NUAK1: variants seen among roughly 807,000 people sequenced by gnomAD.
NUAK1 encodes NUAK family kinase 1.
In NUAK1, 26 loss-of-function variants were observed where a neutral mutation model predicts 56.9. The ratio of observed to expected loss-of-function variants is 0.46; its 90% CI spans 0.33 to 0.63. The LOEUF (loss-of-function observed/expected upper bound fraction) is 0.63. Among genes scored for constraint, NUAK1 ranks in the 30% least tolerant of loss-of-function variants. The pLI is 0.02. For synonymous variants in NUAK1, 337 were observed against 336.0 expected (o/e 1.00, Z -0.03); for missense variants, 727 against 876.1 (o/e 0.83, Z 2.15).
At chr12:106,090,734 C>T (rs1366041) in intron 2 of NUAK1, among the ~76,000 whole-genome samples, 144,166 of 152,200 alleles carry the variant, frequency 0.95, 68,394 homozygotes, top group East Asian at 1. Flanking sequence ...GCACGGTGCC[C>T]CGGCCAGTGC....
At chr12:106,129,473 G>A (rs2033056180) in intron 1 of NUAK1, among the ~76,000 whole-genome samples, 1 of 152,308 alleles carries the variant, frequency 6.6e-6, no homozygotes, top group East Asian at 1.9e-4. Flanking sequence ...AGGAAGAATG[G>A]AGCCTACAAA....
chr12:106,118,551 G>A lies in NUAK1; in HGVS notation c.241-12026C>T, dbSNP rs368556382. 1.1e-4 allele frequency among the ~76,000 whole-genome samples: 16 copies of A among 152,304 alleles called. No individual in the cohort carries two copies. In the East Asian group the frequency reaches 2.1e-3, roughly 20 times the overall value. On this transcript the variant is annotated intron_variant, in intron 1 of 6. Coordinates refer to ENST00000261402, the MANE Select transcript of NUAK1 (RefSeq NM_014840.3). ...GCTAATCAGAACAATTTGAATGTGCGGCTAAGCAAGGACACTCCTTCCTGG... is the reference window on the plus strand; with the variant it reads ...GCTAATCAGAACAATTTGAATGTGCAGCTAAGCAAGGACACTCCTTCCTGG...
chr12:106,084,098 C>A, intron 3 of NUAK1, 169 bp from the exon 4 acceptor site: 1 of 608,548 alleles, frequency 1.6e-6, no homozygotes, highest in East Asian at 2.8e-5. Flanking sequence ...TGTCTTGACG[C>A]TCCCCCGCCA....
intron 1 of NUAK1, among the ~76,000 whole-genome samples, chr12:106,121,766 G>A (rs56103745): frequency 0.045 from 6,813 of 151,996 alleles, 237 homozygotes; most frequent in Admixed American, 0.069. Flanking sequence ...AAAAAAGGTG[G>A]GGGGGTGTGG....
chr12:106,121,753 A>G (rs7133928), intron 1 of NUAK1, among the ~76,000 whole-genome samples: 15,786 of 150,822 alleles, frequency 0.1, 2,784 homozygotes, highest in African/African-American at 0.37. Flanking sequence ...CTGTCTCGGG[A>G]AAAAAAAAGG....
chr12:106,067,029 C>G lies in NUAK1; in HGVS notation c.1759G>C (p.Asp587His), dbSNP rs2032348002. The change falls in exon 7 of 7, where the codon GAT becomes CAT. Residue 587 changes from aspartate (D) to histidine (H), a missense_variant. Coordinates refer to ENST00000261402, the MANE Select transcript of NUAK1 (RefSeq NM_014840.3). This position sits in a 1 kb window ranked among gnomAD's most constrained non-coding sequence, Gnocchi z 6.0. ...CGGGCAGGGCGATTCTCCTGCAAAT[C>G]CAGCAAGTCAAAAGAGTCGCTGGAC... Reference protein sequence around the residue: ...VLSSDSFDLLDLQENRPARQR... With the variant: ...VLSSDSFDLLHLQENRPARQR... 1.2e-6 allele frequency: 2 copies of G among 1,614,214 alleles called. No individual in the cohort carries two copies. The highest frequency in any genetic ancestry group is 1.6e-4 in the Middle Eastern group (1 of 6,062).
At chr12:106,123,005 C>G (rs2032993136) in intron 1 of NUAK1, among the ~76,000 whole-genome samples, 1 of 152,194 alleles carries the variant, frequency 6.6e-6, no homozygotes, top group African/African-American at 2.4e-5. Flanking sequence ...TCAGATGAAT[C>G]CATTACATGG....
At chr12:106,092,294 G>A (rs1170922084) in intron 2 of NUAK1, among the ~76,000 whole-genome samples, 2 of 152,206 alleles carry the variant, frequency 1.3e-5, no homozygotes, top group African/African-American at 4.8e-5. Context: ...CGAGGCGGGT[G>A]GATCATGAGG....
At chr12:106,090,446 C>T (rs866875094) in intron 2 of NUAK1, among the ~76,000 whole-genome samples, 3 of 152,172 alleles carry the variant, frequency 2.0e-5, no homozygotes, top group Non-Finnish European at 4.4e-5. Flanking sequence ...TGTGCAGGCA[C>T]CATGCTAATA....
At chr12:106,075,657 A>G (rs1302643825) in intron 4 of NUAK1, among the ~76,000 whole-genome samples, 1 of 152,246 alleles carries the variant, frequency 6.6e-6, no homozygotes. Flanking sequence ...GTTTATCCCA[A>G]TGCCAGGGAC....
rs1592848910 is a variant in NUAK1, at chr12:106,075,281, T to C, written c.580-2438A>G. ...TGGCACTTCGATGGGAAAGCAGTAT[T>C]AATCAACACACACACACACACACAC... On this transcript the variant is annotated intron_variant, in intron 4 of 6. Transcript: ENST00000261402. Among the ~76,000 whole-genome samples, 5 of 57,766 alleles carry C rather than the reference T, an allele frequency of 8.7e-5. No individual in the cohort carries two copies. The East Asian group carries it at 3.2e-3, about 37-fold the overall frequency. The allele number at this position is 57,766 out of a possible 152,430, so 37.9% of individuals were successfully genotyped here. A position where few individuals can be genotyped will look rare whatever the true frequency, so the allele number is the denominator to read the frequency against.
intron 1 of NUAK1, among the ~76,000 whole-genome samples, chr12:106,133,467 C>T (rs1280395605): frequency 1.3e-5 from 2 of 152,170 alleles, no homozygotes; most frequent in Non-Finnish European, 2.9e-5. Context: ...GTTCTCAATT[C>T]CTCTAGCAGC....
rs1356471609 is a variant in NUAK1 at position 106,086,993 on chromosome 12, C to A, written c.362-108G>T. The A allele has an allele frequency of 3.6e-6, 5 of 1,396,108 alleles. No homozygotes were observed. The Middle Eastern group carries it at 5.5e-4, about 154-fold the overall frequency. 86.5% of individuals were successfully genotyped at this position (1,396,108 alleles called of 1,614,324 possible). ...ACGGAGATGTCGCCAGGCAGAGGAT[C>A]GACTGATGGGTCAGAACACAAATCA... On this transcript the variant is annotated intron_variant, in intron 2 of 6. Coordinates refer to ENST00000261402, the MANE Select transcript of NUAK1 (RefSeq NM_014840.3).
Position 106,063,502 on chromosome 12 carries a change from G to A in NUAK1, c.*3300C>T, listed in dbSNP as rs769609189. On this transcript the variant is annotated 3_prime_UTR_variant, in exon 7 of 7. Coordinates refer to ENST00000261402, the MANE Select transcript of NUAK1 (RefSeq NM_014840.3). ...TTCTGGGCTCAAACCAATCAAATGA[G>A]TGAAAACCAATTTTGACAGGAGCCA... The A allele has an allele frequency of 5.9e-5, 9 of 152,466 alleles. No individual in the cohort carries two copies. Among genetic ancestry groups the A allele is most frequent in the Non-Finnish European group, 1.2e-4 (8 of 68,012 alleles). The allele number at this position is 152,466 out of a possible 1,614,324, so 9.4% of individuals were successfully genotyped here.
intron 2 of NUAK1, among the ~76,000 whole-genome samples, chr12:106,100,638 C>T (rs2032738293): frequency 6.6e-6 from 1 of 152,194 alleles, no homozygotes; most frequent in African/African-American, 2.4e-5. Context: ...GGGCCTGGCA[C>T]ATAGTAAGCA....
chr12:106,080,155 T>G (rs2032501183), intron 4 of NUAK1, among the ~76,000 whole-genome samples: 1 of 152,224 alleles, frequency 6.6e-6, no homozygotes, highest in African/African-American at 2.4e-5. Context: ...CTTATTAAGC[T>G]TCAGAGGTTT....
At chr12:106,100,841 T>C (rs914332098) in intron 2 of NUAK1, among the ~76,000 whole-genome samples, 12 of 152,230 alleles carry the variant, frequency 7.9e-5, no homozygotes, top group Non-Finnish European at 1.8e-4. Context: ...GTTGTTGCTG[T>C]CACTATGTGT....
intron 4 of NUAK1, among the ~76,000 whole-genome samples, chr12:106,083,060 A>C (rs181116845): frequency 6.6e-6 from 1 of 152,194 alleles, no homozygotes; most frequent in Non-Finnish European, 1.5e-5. Flanking sequence ...CCTGGGAGGC[A>C]CTTGAACCCT....
At chr12:106,122,560 A>C (rs774935601) in intron 1 of NUAK1, among the ~76,000 whole-genome samples, 16 of 152,216 alleles carry the variant, frequency 1.1e-4, no homozygotes, top group Non-Finnish European at 2.1e-4. Context: ...ATAACAAGAA[A>C]AGAAACCTCA....
Sources: allele counts gnomAD v4.1 joint callset (sites outside exome capture counted in the v4.1 genomes callset), GRCh38; gene constraint gnomAD v4.1.1; non-coding constraint Gnocchi (gnomAD v3.1); transcripts MANE v1.5; gene names NCBI Gene and HGNC (gene_info 2026-07-23, HGNC 2026-07-21).